Variants in MCIDAS observed in about 807,000 individuals in gnomAD.
MCIDAS encodes multiciliate differentiation and DNA synthesis associated cell cycle protein.
In MCIDAS, 23 loss-of-function variants were observed where a neutral mutation model predicts 35.4. That is an observed-to-expected ratio of 0.65 (90% confidence interval 0.47 to 0.92). The LOEUF (loss-of-function observed/expected upper bound fraction) is 0.92. MCIDAS is among the 40% of genes least tolerant of loss of function. The probability of loss-of-function intolerance (pLI) is 0.00; values close to 1 mark genes in which losing one functional copy is unlikely to be tolerated. For missense variants in MCIDAS, 480 were observed against 531.8 expected, an observed-to-expected ratio of 0.90 and a Z score of 0.96; for synonymous variants, 228 against 235.2, an observed-to-expected ratio of 0.97 and a Z score of 0.28.
At chr5:55,226,351 A>T (rs1002917740) in intron 3 of MCIDAS, among the ~76,000 whole-genome samples, 7 of 152,180 alleles carry the variant, frequency 4.6e-5, no homozygotes, top group African/African-American at 1.7e-4. Context: ...GACTGTATCA[A>T]GTTGGTCAAA....
intron 5 of MCIDAS, among the ~76,000 whole-genome samples, chr5:55,221,504 A>G (rs1214071600): frequency 1.3e-5 from 2 of 152,232 alleles, no homozygotes; most frequent in Non-Finnish European, 2.9e-5. Context: ...GTCCAGGGCC[A>G]GACACATAGA....
intron 4 of MCIDAS, among the ~76,000 whole-genome samples, chr5:55,222,659 T>C (rs1282078422): frequency 6.6e-6 from 1 of 152,104 alleles, no homozygotes; most frequent in Non-Finnish European, 1.5e-5. Context: ...AGGCCTTCGA[T>C]ACCCTGCACA....
rs555480931 is a variant in MCIDAS, at chr5:55,221,236, C to A, written c.607-110G>T. 83 of 680,906 alleles carry A rather than the reference C, an allele frequency of 1.2e-4. No homozygotes were observed. In the South Asian group the frequency reaches 1.5e-3, roughly 12 times the overall value. 42.2% of individuals were successfully genotyped at this position (680,906 alleles called of 1,614,324 possible). On this transcript the variant is annotated intron_variant, in intron 5 of 6. Transcript: ENST00000513312. ...GACGTCTCATCAGGAACTGGGGACG[C>A]ACAGGCATTTACGCTAGTGAGAATA... is the stretch of plus-strand genomic sequence containing the variant.
intron 1 of MCIDAS, 37 bp downstream of exon 1, chr5:55,226,982 C>A (rs933685285): frequency 6.6e-7 from 1 of 1,505,832 alleles, no homozygotes; most frequent in Non-Finnish European, 8.8e-7. Flanking sequence ...GGGCACCGAG[C>A]GCGCAGACCC....
rs980205305 is a variant in MCIDAS at position 55,224,164 on chromosome 5, CT to C, written c.310-1142del. On this transcript the variant is annotated intron_variant, in intron 3 of 6. Transcript: ENST00000513312. ...CTCCTGCCTCCATACTTCATTTCCT[CT>C]AGCTTTTCTCTCTTTTTAGGAAAGC... Among the ~76,000 whole-genome samples, 24 of 152,020 alleles carry C rather than the reference CT, an allele frequency of 1.6e-4. 1 individual carries two copies. The highest frequency in any genetic ancestry group is 5.6e-4 in the African/African-American group (23 of 41,382).
chr5:55,223,000 T>G lies in MCIDAS; in HGVS notation c.333A>C (p.Ala111=), dbSNP rs889114106. The part of the protein sequence containing the change: ...ASQNHSHQTE[A]DFNLQDFRDT... ...CTCTGAAATCTTGCAGATTGAAGTC[T>G]GCTTCCGTTTGGTGGGAATGGTTCT... Residue 111 remains alanine, a synonymous_variant, in exon 4 of 7, where the codon GCA becomes GCC. Transcript: ENST00000513312. 2 of 1,536,182 alleles carry G rather than the reference T, an allele frequency of 1.3e-6. No homozygotes were observed. The highest frequency in any genetic ancestry group is 1.7e-6 in the Non-Finnish European group (2 of 1,146,918).
At position 55,225,305 on chromosome 5, in the gene MCIDAS, A is replaced by G. The variant is rs143929415; in HGVS notation, c.309+1271T>C. Among the ~76,000 whole-genome samples the G allele has an allele frequency of 6.7e-3, 1,017 of 152,372 alleles. 3 individuals carry two copies. Among genetic ancestry groups the G allele is most frequent in the Non-Finnish European group, 0.01 (702 of 68,032 alleles). ...CTCCAACTACAAATGCAAGAAAAAA[A>G]TTCTAACAAAGAGCATGATGCCAAA... On this transcript the variant is annotated intron_variant, in intron 3 of 6. Coordinates refer to ENST00000513312, the MANE Select transcript of MCIDAS (RefSeq NM_001190787.3).
chr5:55,227,185 G>A lies in MCIDAS; in HGVS notation c.-47C>T. ...CCGACTGCTCGGAGGCGGCGGCCCGGGCTGGGGCAGCGATCCACACCCTGC... is the reference window on the plus strand; with the variant it reads ...CCGACTGCTCGGAGGCGGCGGCCCGAGCTGGGGCAGCGATCCACACCCTGC... On this transcript the variant is annotated 5_prime_UTR_variant, in exon 1 of 7. Transcript: ENST00000513312. 2 of 1,403,092 alleles carry A rather than the reference G, an allele frequency of 1.4e-6. No individual in the cohort carries two copies. The highest frequency in any genetic ancestry group is 1.8e-6 in the Non-Finnish European group (2 of 1,087,894). The allele number at this position is 1,403,092 out of a possible 1,614,324, so 86.9% of individuals were successfully genotyped here.
chr5:55,221,274 C>CT lies in MCIDAS; in HGVS notation c.607-149dup, dbSNP rs34101652. On this transcript the variant is annotated intron_variant, in intron 5 of 6. Transcript: ENST00000513312. Reference sequence around the variant, plus strand: ...GCTAGTGAGAATAATAATCAATTTACTTTTTTTTTAAAACAAAGCACTTGG... The same window carrying CT: ...GCTAGTGAGAATAATAATCAATTTACTTTTTTTTTTAAAACAAAGCACTTGG... 361,314 of 469,684 alleles carry CT rather than the reference C, an allele frequency of 0.77. 135,191 individuals are homozygous for CT. The highest frequency in any genetic ancestry group is 0.78 in the Admixed American group (19,874 of 25,350). The allele number at this position is 469,684 out of a possible 1,614,324, so 29.1% of individuals were successfully genotyped here. A position where few individuals can be genotyped will look rare whatever the true frequency, so the allele number is the denominator to read the frequency against.
intron 5 of MCIDAS, 106 bp downstream of exon 5, chr5:55,222,070 T>A: frequency 9.4e-7 from 1 of 1,059,330 alleles, no homozygotes. Context: ...GTCAGTCCAC[T>A]GGTTCCGACT....
At chr5:55,221,751 C>G (rs932276712) in intron 5 of MCIDAS, among the ~76,000 whole-genome samples, 3 of 151,856 alleles carry the variant, frequency 2.0e-5, no homozygotes, top group Non-Finnish European at 4.4e-5. Context: ...ATGGTGAAAC[C>G]CCGTCTCTAC....
rs954557045 is a variant in MCIDAS, at chr5:55,223,753, G to C, written c.310-730C>G. 3.9e-5 allele frequency among the ~76,000 whole-genome samples: 6 copies of C among 152,206 alleles called. No individual in the cohort carries two copies. ...GCGGGAAGAAAGCTGTGATTCGAGG[G>C]GCCAGGAGAATACGGGAAAAGCTTC... On this transcript the variant is annotated intron_variant, in intron 3 of 6. Coordinates refer to ENST00000513312, the MANE Select transcript of MCIDAS (RefSeq NM_001190787.3). The surrounding 1 kb of genome is among the most constrained non-coding windows in gnomAD (Gnocchi z 4.4).
chr5:55,222,843 G>T, intron 4 of MCIDAS, 108 bp downstream of exon 4: 75 of 884,502 alleles, frequency 8.5e-5, no homozygotes, highest in Non-Finnish European at 1.2e-4. Flanking sequence ...GAGAGTCGTT[G>T]ACAGTTGGCT....
intron 4 of MCIDAS, 118 bp downstream of exon 4, chr5:55,222,833 G>A: frequency 2.4e-6 from 2 of 827,076 alleles, no homozygotes; most frequent in Non-Finnish European, 3.9e-6. Flanking sequence ...TGAGTTGCTG[G>A]AGAGTCGTTG....
Position 55,221,063 on chromosome 5 carries a change from GC to G in MCIDAS, c.669del (p.Gln223HisfsTer2). On this transcript the variant is annotated frameshift_variant, in exon 6 of 7. Coordinates refer to ENST00000513312, the MANE Select transcript of MCIDAS (RefSeq NM_001190787.3). LOFTEE classifies it high-confidence loss of function. ...EIASLKERNV[Q>X]LKELASRTRH... ...CGGGTTCGGCTGGCGAGTTCCTTCA[GC>G]TGCACGTTCCGCTCCTTGAGCGAGG... 1 of 1,536,106 alleles carries G rather than the reference GC, an allele frequency of 6.5e-7. No individual in the cohort carries two copies. Among genetic ancestry groups the G allele is most frequent in the Non-Finnish European group, 8.7e-7 (1 of 1,146,888 alleles).
chr5:55,226,990 C>A lies in MCIDAS; in HGVS notation c.120+29G>T, dbSNP rs752470559. ...GCCCTCGGGGCACCGAGCGCGCAGACCCCGCCCGGCCCGAATCAACCGCCC... is the reference window on the plus strand; with the variant it reads ...GCCCTCGGGGCACCGAGCGCGCAGAACCCGCCCGGCCCGAATCAACCGCCC... On this transcript the variant is annotated intron_variant, in intron 1 of 6. Coordinates refer to ENST00000513312, the MANE Select transcript of MCIDAS (RefSeq NM_001190787.3). 4.6e-6 allele frequency: 7 copies of A among 1,512,584 alleles called. 2 individuals carry two copies. The South Asian group carries it at 7.3e-5, about 16-fold the overall frequency. The allele number at this position is 1,512,584 out of a possible 1,614,324, so 93.7% of individuals were successfully genotyped here. A position where few individuals can be genotyped will look rare whatever the true frequency, so the allele number is the denominator to read the frequency against.
At chr5:55,220,891 A>G (rs1745343129) in intron 6 of MCIDAS, 85 bp from the exon 7 acceptor site, 1 of 1,451,500 alleles carries the variant, frequency 6.9e-7, no homozygotes, top group Non-Finnish European at 9.2e-7. Context: ...TAGGCGCGCT[A>G]CGCACCACGC....
intron 3 of MCIDAS, 139 bp downstream of exon 3, chr5:55,226,437 C>G (rs1347328155): frequency 1.3e-6 from 1 of 764,826 alleles, no homozygotes; most frequent in East Asian, 3.0e-5. Flanking sequence ...GGCTCAGGTG[C>G]CTGCACAATG....
chr5:55,222,169 T>C lies in MCIDAS; in HGVS notation c.606+7A>G. On this transcript the variant is annotated splice_region_variant and intron_variant, in intron 5 of 6. Transcript: ENST00000513312. The stretch of plus-strand genomic sequence containing the variant: ...AGGATTCCTGGTCGCCAGACCAGTG[T>C]CCCTACTTGATTATTCTCAACAAGC... 3 of 1,534,272 alleles carry C rather than the reference T, an allele frequency of 2.0e-6. No individual in the cohort carries two copies. Among genetic ancestry groups the C allele is most frequent in the Non-Finnish European group, 2.6e-6 (3 of 1,146,780 alleles).
Sources: allele counts gnomAD v4.1 joint callset (sites outside exome capture counted in the v4.1 genomes callset), GRCh38; gene constraint gnomAD v4.1.1; non-coding constraint Gnocchi (gnomAD v3.1); transcripts MANE v1.5; gene names NCBI Gene and HGNC (gene_info 2026-07-23, HGNC 2026-07-21).